The following PCDHGA12 variants were observed in gnomAD, a reference collection of about 807,000 sequenced individuals.
The protein encoded by PCDHGA12 is protocadherin gamma subfamily A, 12, also known as protocadherin gamma-A12.
PCDHGA12 carries 43 observed loss-of-function variants against 61.1 expected under a neutral mutation model. The ratio of observed to expected loss-of-function variants is 0.70; its 90% confidence interval spans 0.55 to 0.91. PCDHGA12 has a LOEUF of 0.91. Ranked by LOEUF, PCDHGA12 falls within the 40% of genes least tolerant of loss-of-function variation. The pLI is 0.00. For synonymous variants in PCDHGA12, 520 were observed against 542.9 expected, an observed-to-expected ratio of 0.96 and a Z score of 0.59; for missense variants, 1,236 against 1,227.7, an observed-to-expected ratio of 1.01 and a Z score of -0.10.
chr5:141,510,526 A>T (rs1164238062), intron 3 of PCDHGA12, among the ~76,000 whole-genome samples: 1 of 152,156 alleles, frequency 6.6e-6, no homozygotes, highest in East Asian at 1.9e-4. Flanking sequence ...CAGCCCTGAG[A>T]GAAATACCAG....
chr5:141,510,847 AG>A, intron 3 of PCDHGA12, 99 bp from the exon 4 acceptor site: 3 of 1,595,350 alleles, frequency 1.9e-6, no homozygotes, highest in Non-Finnish European at 2.6e-6. Context: ...GTCAAGGCCC[AG>A]GGTGCTGTAT....
Position 141,476,949 on chromosome 5 carries a change from A to G in PCDHGA12, c.2425-17858A>G. The stretch of plus-strand genomic sequence containing the variant: ...GATCTGGATGAAGGCCCCAACGGTG[A>G]AATTATTTACTCCTTCGGCAGCCAC... On this transcript the variant is annotated intron_variant, in intron 1 of 3. Transcript: ENST00000252085. The surrounding 1 kb of genome is among the most constrained non-coding windows in gnomAD (Gnocchi z 7.6). 6.2e-7 allele frequency: 1 copy of G among 1,614,200 alleles called. No individual in the cohort carries two copies. Among genetic ancestry groups the G allele is most frequent in the Admixed American group, 1.7e-5 (1 of 60,038 alleles).
intron 1 of PCDHGA12, among the ~76,000 whole-genome samples, chr5:141,448,975 T>C (rs888432093): frequency 6.6e-6 from 1 of 151,970 alleles, no homozygotes; most frequent in African/African-American, 2.4e-5. Flanking sequence ...AAAAAAGAAC[T>C]TCCATATTAA....
chr5:141,477,087 C>T lies in PCDHGA12; in HGVS notation c.2425-17720C>T, dbSNP rs748424193. ...AAACTCCATGAGATTTACATCCAGG[C>T]CAAAGACAAGGGCGCCAATCCCGAA... On this transcript the variant is annotated intron_variant, in intron 1 of 3. Coordinates refer to ENST00000252085, the MANE Select transcript of PCDHGA12 (RefSeq NM_003735.3). The surrounding 1 kb of genome is among the most constrained non-coding windows in gnomAD (Gnocchi z 4.9). The T allele has an allele frequency of 1.2e-6, 2 of 1,614,244 alleles. No individual in the cohort carries two copies. Among genetic ancestry groups the T allele is most frequent in the Admixed American group, 3.3e-5 (2 of 60,032 alleles).
intron 1 of PCDHGA12, among the ~76,000 whole-genome samples, chr5:141,463,990 G>A (rs2099073582): frequency 6.6e-6 from 1 of 151,990 alleles, no homozygotes; most frequent in Non-Finnish European, 1.5e-5. Flanking sequence ...TAAAAACCAG[G>A]TGCAGTGGCT....
chr5:141,494,675 C>A, intron 1 of PCDHGA12, 132 bp from the exon 2 acceptor site: 2 of 1,548,574 alleles, frequency 1.3e-6, no homozygotes, highest in South Asian at 1.2e-5. Flanking sequence ...TGAGTCCACC[C>A]CTGCCCCCTC....
chr5:141,512,897 C>T lies in PCDHGA12; in HGVS notation c.*1724C>T, dbSNP rs1482341871. ...CTCCCACCCCACCCTCTTCCTGTGT[C>T]TCACGCAAGTTTTATACTCTAATAT... On this transcript the variant is annotated 3_prime_UTR_variant, in exon 4 of 4. Coordinates refer to ENST00000252085, the MANE Select transcript of PCDHGA12 (RefSeq NM_003735.3). 1.3e-5 allele frequency: 2 copies of T among 152,274 alleles called. No homozygotes were observed. The highest frequency in any genetic ancestry group is 4.8e-5 in the African/African-American group (2 of 41,470). The allele number at this position is 152,274 out of a possible 1,614,324, so 9.4% of individuals were successfully genotyped here. A position where few individuals can be genotyped will look rare whatever the true frequency, so the allele number is the denominator to read the frequency against.
At position 141,511,482 on chromosome 5, in the gene PCDHGA12, C is replaced by A. The variant is rs761434245; in HGVS notation, c.*309C>A. ...CACACCCCGTTTAGTTACAGCTGAA[C>A]TCCTCCATCTTCCAAATCAATCAGG... On this transcript the variant is annotated 3_prime_UTR_variant, in exon 4 of 4. Coordinates refer to ENST00000252085, the MANE Select transcript of PCDHGA12 (RefSeq NM_003735.3). The A allele has an allele frequency of 2.4e-4, 113 of 464,462 alleles. No homozygotes were observed. Among genetic ancestry groups the A allele is most frequent in the Non-Finnish European group, 4.0e-4 (105 of 260,154 alleles). The allele number at this position is 464,462 out of a possible 1,614,324, so 28.8% of individuals were successfully genotyped here. A position where few individuals can be genotyped will look rare whatever the true frequency, so the allele number is the denominator to read the frequency against.
chr5:141,477,845 GT>G lies in PCDHGA12; in HGVS notation c.2425-16961del, dbSNP rs1562065234. ...ATATCCTCGGCCAGGTGGGAGCTCG[GT>G]GGAGATGCTGCCTCGAGGTACCTCA... is the stretch of plus-strand genomic sequence containing the variant. On this transcript the variant is annotated intron_variant, in intron 1 of 3. Coordinates refer to ENST00000252085, the MANE Select transcript of PCDHGA12 (RefSeq NM_003735.3). This position sits in a 1 kb window ranked among gnomAD's most constrained non-coding sequence, Gnocchi z 4.9. 1 of 1,614,038 alleles carries G rather than the reference GT, an allele frequency of 6.2e-7. No homozygotes were observed. Among genetic ancestry groups the G allele is most frequent in the East Asian group, 2.2e-5 (1 of 44,896 alleles).
At chr5:141,434,194 GTACT>G (rs527775432) in intron 1 of PCDHGA12, among the ~76,000 whole-genome samples, 169 of 152,308 alleles carry the variant, frequency 1.1e-3, no homozygotes, top group African/African-American at 3.9e-3. Flanking sequence ...TAATTCCAAT[GTACT>G]TACTTCTGTC....
At chr5:141,450,957 T>G (rs2154563418) in intron 1 of PCDHGA12, among the ~76,000 whole-genome samples, 1 of 152,010 alleles carries the variant, frequency 6.6e-6, no homozygotes, top group Non-Finnish European at 1.5e-5. Context: ...CCCAAGTAGC[T>G]GGGATTACAG....
chr5:141,444,524 A>G (rs563709940), intron 1 of PCDHGA12, among the ~76,000 whole-genome samples: 47 of 152,224 alleles, frequency 3.1e-4, no homozygotes, highest in African/African-American at 1.1e-3. Context: ...AGTAGGTGAG[A>G]CAGTGACTGT....
At chr5:141,446,055 G>A (rs1431833512) in intron 1 of PCDHGA12, among the ~76,000 whole-genome samples, 1 of 152,190 alleles carries the variant, frequency 6.6e-6, no homozygotes, top group Non-Finnish European at 1.5e-5. Flanking sequence ...AGCTGGCTTG[G>A]ATTAAAGGGG....
chr5:141,445,093 A>G (rs987863232), intron 1 of PCDHGA12, among the ~76,000 whole-genome samples: 2 of 152,168 alleles, frequency 1.3e-5, no homozygotes, highest in Non-Finnish European at 2.9e-5. Flanking sequence ...TACATATTTG[A>G]TGTTTTCTAA....
At chr5:141,444,152 A>ATTTTT (rs747671382) in intron 1 of PCDHGA12, among the ~76,000 whole-genome samples, 10 of 33,898 alleles carry the variant, frequency 3.0e-4, no homozygotes, top group Middle Eastern at 0.019. Context: ...TGTGTACTGG[A>ATTTTT]TTTTTTTTTT....
chr5:141,455,107 C>T (rs1027661420), intron 1 of PCDHGA12, among the ~76,000 whole-genome samples: 20 of 151,774 alleles, frequency 1.3e-4, no homozygotes, highest in Non-Finnish European at 2.4e-4. Context: ...CCACTGCGCC[C>T]GGTGGGTCTA....
At chr5:141,466,574 T>C (rs978880367) in intron 1 of PCDHGA12, among the ~76,000 whole-genome samples, 5 of 152,218 alleles carry the variant, frequency 3.3e-5, no homozygotes, top group Non-Finnish European at 5.9e-5. Flanking sequence ...CAACATTGTC[T>C]CATCCCTTCT....
At chr5:141,472,256 T>C (rs2099275290) in intron 1 of PCDHGA12, among the ~76,000 whole-genome samples, 1 of 152,176 alleles carries the variant, frequency 6.6e-6, no homozygotes, top group South Asian at 2.1e-4. Flanking sequence ...TAAAGTTATA[T>C]TATAGCCGGG....
intron 1 of PCDHGA12, among the ~76,000 whole-genome samples, chr5:141,465,486 G>C (rs1221398075): frequency 6.6e-6 from 1 of 152,216 alleles, no homozygotes; most frequent in African/African-American, 2.4e-5. Flanking sequence ...TGAGAGGAAT[G>C]AGCGGGAGCA....
Sources: allele counts gnomAD v4.1 joint callset (sites outside exome capture counted in the v4.1 genomes callset), GRCh38; gene constraint gnomAD v4.1.1; non-coding constraint Gnocchi (gnomAD v3.1); transcripts MANE v1.5; gene names NCBI Gene and HGNC (gene_info 2026-07-23, HGNC 2026-07-21).